Variants in BEST3 observed in about 807,000 individuals in gnomAD.
BEST3 encodes the protein bestrophin-3.
BEST3 carries 50 observed loss-of-function variants against 47.1 expected under a neutral mutation model. The ratio of observed to expected loss-of-function variants is 1.06; its 90% CI spans 0.85 to 1.34. The LOEUF is 1.34. Ranked by LOEUF, BEST3 falls within the 40% of genes most tolerant of loss-of-function variation. BEST3 has a pLI of 0.00. For missense variants in BEST3, 765 were observed against 817.0 expected (o/e 0.94, Z 0.78); for synonymous variants, 282 against 298.8 (o/e 0.94, Z 0.58).
chr12:69,655,858 C>T (rs1381454048), intron 9 of BEST3, 45 bp from the exon 10 acceptor site: 20 of 1,537,362 alleles, frequency 1.3e-5, no homozygotes, highest in East Asian at 2.3e-5. Context: ...GCTTCGGGGG[C>T]CTAGCTTTGG....
At chr12:69,676,821 C>T (rs1884950252) in intron 7 of BEST3, 95 bp downstream of exon 7, 5 of 1,327,914 alleles carry the variant, frequency 3.8e-6, no homozygotes, top group African/African-American at 1.5e-5. Context: ...CTTTGACTCA[C>T]TCATGAATGA....
At chr12:69,673,669 C>T (rs1884720291) in intron 7 of BEST3, among the ~76,000 whole-genome samples, 1 of 152,048 alleles carries the variant, frequency 6.6e-6, no homozygotes, top group Non-Finnish European at 1.5e-5. Flanking sequence ...GTCTTGAACC[C>T]CTGAGCTCAG....
intron 5 of BEST3, among the ~76,000 whole-genome samples, chr12:69,677,500 G>A (rs958441842): frequency 6.6e-6 from 1 of 152,234 alleles, no homozygotes; most frequent in Non-Finnish European, 1.5e-5. Flanking sequence ...ATAAGTCATG[G>A]CCAGGTGTGG....
chr12:69,670,678 A>G (rs1029280571), intron 9 of BEST3: 13 of 591,372 alleles, frequency 2.2e-5, no homozygotes, highest in Middle Eastern at 4.3e-4. Flanking sequence ...AAATCCGCTT[A>G]CAGCAGGCCT....
chr12:69,671,776 T>C (rs1043813579), intron 8 of BEST3, among the ~76,000 whole-genome samples, 197 bp from the exon 9 acceptor site: 1 of 152,112 alleles, frequency 6.6e-6, no homozygotes, highest in Admixed American at 6.5e-5. Flanking sequence ...TCGAGAGCAC[T>C]TGGCGATGAG....
At chr12:69,650,935 G>A (rs1279954747), downstream of BEST3, among the ~76,000 whole-genome samples, 1 of 152,174 alleles carries the variant, frequency 6.6e-6, no homozygotes, top group African/African-American at 2.4e-5. Flanking sequence ...GAAGCTTAAT[G>A]GTGTGTGTCT....
chr12:69,655,485 G>A lies in BEST3; in HGVS notation c.1429C>T (p.Gln477Ter), dbSNP rs767145478. The change falls in exon 10 of 10, where the codon CAG becomes TAG. Residue 477 changes from glutamine (Q) to a stop codon, truncating the protein, a stop_gained. Transcript: ENST00000330891. LOFTEE classifies it low-confidence loss of function (END_TRUNC). ...GELSTIRETS[Q>*]TSTLQSLTPQ... The stretch of plus-strand genomic sequence containing the variant: ...GTCAGGCTCTGTAAAGTGCTTGTCT[G>A]GCTGGTCTCCCTGATGGTGGACAGC... The A allele has an allele frequency of 1.9e-6, 3 of 1,614,132 alleles. No individual in the cohort carries two copies. The highest frequency in any genetic ancestry group is 2.5e-6 in the Non-Finnish European group (3 of 1,180,002).
chr12:69,694,790 A>C (rs1474735096), intron 2 of BEST3, among the ~76,000 whole-genome samples: 1 of 152,206 alleles, frequency 6.6e-6, no homozygotes, highest in Non-Finnish European at 1.5e-5. Flanking sequence ...TTCAGTTTTC[A>C]ATTATTCATC....
chr12:69,677,950 T>C (rs1839503467), intron 5 of BEST3, among the ~76,000 whole-genome samples: 1 of 152,210 alleles, frequency 6.6e-6, no homozygotes, highest in South Asian at 2.1e-4. Context: ...ATTTTTTGTT[T>C]CTCTCATTTT....
intron 9 of BEST3, among the ~76,000 whole-genome samples, chr12:69,645,053 C>A (rs1882987800): frequency 6.6e-6 from 1 of 151,998 alleles, no homozygotes; most frequent in Non-Finnish European, 1.5e-5. Context: ...AATTGAAGAA[C>A]CTATGGGGGG....
At chr12:69,678,666 T>A in intron 5 of BEST3, 73 bp downstream of exon 5, 1 of 1,431,478 alleles carries the variant, frequency 7.0e-7, no homozygotes. Context: ...CTCTTCCTGG[T>A]CTAACGTGTT....
intron 9 of BEST3, among the ~76,000 whole-genome samples, chr12:69,648,585 A>T (rs1883112334): frequency 6.6e-6 from 1 of 152,168 alleles, no homozygotes; most frequent in Admixed American, 6.5e-5. Flanking sequence ...ACCTGCAGAG[A>T]GAGTGGCAGA....
chr12:69,682,552 G>T (rs1333575830), intron 4 of BEST3, among the ~76,000 whole-genome samples: 1 of 149,158 alleles, frequency 6.7e-6, no homozygotes, highest in Non-Finnish European at 1.5e-5. Flanking sequence ...GTTTTTTAAA[G>T]AATTGCAGAG....
chr12:69,660,009 T>C (rs970660262), intron 9 of BEST3: 2 of 152,108 alleles, frequency 1.3e-5, no homozygotes, highest in Non-Finnish European at 2.9e-5. Flanking sequence ...TTGAGCACTG[T>C]CTCTGTGGTG....
chr12:69,698,949 G>T (rs1271677538), intron 1 of BEST3, among the ~76,000 whole-genome samples: 2 of 152,184 alleles, frequency 1.3e-5, no homozygotes, highest in East Asian at 3.8e-4. Flanking sequence ...CACAAAACCG[G>T]TTTTATTTTT....
chr12:69,676,145 A>G (rs1433909908), intron 7 of BEST3, among the ~76,000 whole-genome samples: 1 of 152,210 alleles, frequency 6.6e-6, no homozygotes, highest in East Asian at 1.9e-4. Context: ...TAGGCAAACC[A>G]TTCTCACCTC....
chr12:69,688,504 C>T (rs1303538112), intron 4 of BEST3, among the ~76,000 whole-genome samples: 1 of 152,104 alleles, frequency 6.6e-6, no homozygotes, highest in Non-Finnish European at 1.5e-5. Context: ...ATATATATTT[C>T]CCCAGCAGCA....
chr12:69,679,489 C>T (rs1201486598), intron 4 of BEST3, among the ~76,000 whole-genome samples: 1 of 152,172 alleles, frequency 6.6e-6, no homozygotes, highest in Non-Finnish European at 1.5e-5. Context: ...TAAATGTTTC[C>T]CTTACTATGA....
Position 69,677,169 on chromosome 12 carries a change from G to A in BEST3, c.714+11C>T, listed in dbSNP as rs1357232349. 1 of 1,613,674 alleles carries A rather than the reference G, an allele frequency of 6.2e-7. No individual in the cohort carries two copies. Among genetic ancestry groups the A allele is most frequent in the Admixed American group, 1.7e-5 (1 of 59,984 alleles). On this transcript the variant is annotated intron_variant, in intron 6 of 9. Coordinates refer to ENST00000330891, the MANE Select transcript of BEST3 (RefSeq NM_032735.3). ...GTAGAAATAAAGAATTCCATGAAAAGTATTTCTTACCTGGGTGTAAACCAG... is the reference window on the plus strand; with the variant it reads ...GTAGAAATAAAGAATTCCATGAAAAATATTTCTTACCTGGGTGTAAACCAG...
Sources: allele counts gnomAD v4.1 joint callset (sites outside exome capture counted in the v4.1 genomes callset), GRCh38; gene constraint gnomAD v4.1.1; transcripts MANE v1.5; gene names NCBI Gene and HGNC (gene_info 2026-07-23, HGNC 2026-07-21).